Variants in NLE1 observed in about 807,000 individuals in gnomAD.
NLE1 encodes the protein notchless homolog 1.
In NLE1, 37 loss-of-function variants were observed where a neutral mutation model predicts 62.8. That is an observed-to-expected ratio of 0.59 (90% CI 0.45 to 0.78). NLE1 has a LOEUF of 0.78. NLE1 is among the 30% of genes least tolerant of loss of function. NLE1 has a pLI of 0.00. For missense variants in NLE1, 555 were observed against 637.9 expected, an observed-to-expected ratio of 0.87 and a Z score of 1.40; for synonymous variants, 243 against 253.0, an observed-to-expected ratio of 0.96 and a Z score of 0.37.
chr17:35,134,064 G>A (rs946001197), intron 10 of NLE1, among the ~76,000 whole-genome samples: 1 of 152,110 alleles, frequency 6.6e-6, no homozygotes, highest in African/African-American at 2.4e-5. Context: ...TCTCCCCCTT[G>A]CCTGTGCCTT....
At chr17:35,135,474 T>G in intron 9 of NLE1, 23 bp from the exon 10 acceptor site, 1 of 1,609,842 alleles carries the variant, frequency 6.2e-7, no homozygotes, top group Non-Finnish European at 8.5e-7. Flanking sequence ...GAAAGCACAC[T>G]GTGTTGGGTG....
Position 35,142,077 on chromosome 17 carries a change from G to A in NLE1, c.64C>T (p.Gln22Ter). The change falls in exon 2 of 13, where the codon CAG (glutamine) becomes TAG (stop). Residue 22 changes from glutamine to a stop codon, truncating the protein, a stop_gained. Coordinates refer to ENST00000442241, the MANE Select transcript of NLE1 (RefSeq NM_018096.5). LOFTEE classifies it high-confidence loss of function. ...RDVQRLLVQF[Q>*]DEGGQLLGSP... ...CCCAGCAGCTGCCCGCCCTCATCCT[G>A]GAACTGCACTAGCAACCGCTGCACA... is the stretch of plus-strand genomic sequence containing the variant. 6.2e-7 allele frequency: 1 copy of A among 1,612,722 alleles called. No individual in the cohort carries two copies. Among genetic ancestry groups the A allele is most frequent in the Non-Finnish European group, 8.5e-7 (1 of 1,179,920 alleles).
intron 10 of NLE1, 59 bp from the exon 11 acceptor site, chr17:35,133,557 G>C: frequency 6.7e-7 from 1 of 1,502,442 alleles, no homozygotes; most frequent in Non-Finnish European, 9.0e-7. Context: ...CAACACGTCT[G>C]AAGGGTCCCC....
In NLE1 at chr17:35,137,819, C is replaced by T. The variant is rs141608844; in HGVS notation, c.532G>A (p.Gly178Ser). 8.4e-5 allele frequency: 136 copies of T among 1,613,200 alleles called. No homozygotes were observed. In the East Asian group the frequency reaches 2.7e-3, roughly 32 times the overall value. Residue 178 changes from glycine (G) to serine (S), a missense_variant, in exon 5 of 13, where the codon GGC becomes AGC. Coordinates refer to ENST00000442241, the MANE Select transcript of NLE1 (RefSeq NM_018096.5). The part of the protein sequence containing the change: ...GRKLASGCKN[G>S]QILLWDPSTG... ...TTACCCTGAGAACTACCTACCTGGC[C>T]ATTCTTGCAGCCTGAGGCCAGCTTC...
intron 6 of NLE1, 102 bp from the exon 7 acceptor site, chr17:35,137,295 C>T: frequency 1.7e-6 from 2 of 1,175,258 alleles, no homozygotes; most frequent in Non-Finnish European, 2.4e-6. Context: ...AATCTTTTGA[C>T]AGCTTTTCTG....
At chr17:35,140,508 C>T (rs535488026) in intron 2 of NLE1, among the ~76,000 whole-genome samples, 5 of 152,280 alleles carry the variant, frequency 3.3e-5, no homozygotes, top group East Asian at 1.9e-4. Context: ...GGATTACAGG[C>T]GTGAGCCACT....
At position 35,142,095 on chromosome 17, in the gene NLE1, G is replaced by T. The variant is rs140314263; in HGVS notation, c.46C>A (p.Arg16=). 23 of 1,611,990 alleles carry T rather than the reference G, an allele frequency of 1.4e-5. No homozygotes were observed. Among genetic ancestry groups the T allele is most frequent in the Non-Finnish European group, 1.8e-5 (21 of 1,179,732 alleles). The change falls in exon 2 of 13, where the codon CGG becomes AGG. Residue 16 remains arginine (R), a synonymous_variant. Coordinates refer to ENST00000442241, the MANE Select transcript of NLE1 (RefSeq NM_018096.5). Reference sequence around the variant, plus strand: ...TCATCCTGGAACTGCACTAGCAACCGCTGCACATCGCGCGCCACCGCCTCG... The same window carrying T: ...TCATCCTGGAACTGCACTAGCAACCTCTGCACATCGCGCGCCACCGCCTCG... The part of the protein sequence containing the change: ...PDEAVARDVQ[R]LLVQFQDEGG...
In NLE1 at chr17:35,136,503, G is replaced by A. The variant is rs1310222823; in HGVS notation, c.829-6C>T. 1.2e-6 allele frequency: 2 copies of A among 1,608,620 alleles called. No individual in the cohort carries two copies. Among genetic ancestry groups the A allele is most frequent in the Non-Finnish European group, 1.7e-6 (2 of 1,175,930 alleles). ...AGAGTCCGGCACAGCACACCCTACG[G>A]GAGAGCGAGTCAGGTCAGACACACA... is the stretch of plus-strand genomic sequence containing the variant. On this transcript the variant is annotated splice_region_variant and splice_polypyrimidine_tract_variant and intron_variant, in intron 7 of 12. Transcript: ENST00000442241.
At chr17:35,141,081 C>A (rs1376194922) in intron 2 of NLE1, among the ~76,000 whole-genome samples, 1 of 152,152 alleles carries the variant, frequency 6.6e-6, no homozygotes, top group Non-Finnish European at 1.5e-5. Flanking sequence ...CCCAAACTAC[C>A]ACACTACACT....
chr17:35,130,565 C>T lies in NLE1; in HGVS notation c.*1872G>A. The T allele has an allele frequency of 1.0e-6, 1 of 977,348 alleles. No individual in the cohort carries two copies. Among genetic ancestry groups the T allele is most frequent in the Non-Finnish European group, 1.5e-6 (1 of 677,162 alleles). 60.5% of individuals were successfully genotyped at this position (977,348 alleles called of 1,614,324 possible). On this transcript the variant is annotated 3_prime_UTR_variant, in exon 13 of 13. Coordinates refer to ENST00000442241, the MANE Select transcript of NLE1 (RefSeq NM_018096.5). ...GGGTCTGGCAGAGTGGTATGGGCAC[C>T]CCACCCCTGGGCTGGGGCCAAGGCT... is the stretch of plus-strand genomic sequence containing the variant.
At position 35,129,515 on chromosome 17, in the gene NLE1, G is replaced by A. The variant is rs537703343; in HGVS notation, c.*2922C>T. ...CAAGACACAGGAGAATGAGTTGCCC[G>A]AGGCAAAGAATCGTCCATGGATCTT... On this transcript the variant is annotated 3_prime_UTR_variant, in exon 13 of 13. Transcript: ENST00000442241. 3.0e-5 allele frequency: 48 copies of A among 1,614,178 alleles called. No homozygotes were observed. Among genetic ancestry groups the A allele is most frequent in the Middle Eastern group, 1.6e-4 (1 of 6,062 alleles).
chr17:35,129,168 GACCCC>G lies in NLE1; in HGVS notation c.*3264_*3268del. On this transcript the variant is annotated 3_prime_UTR_variant, in exon 13 of 13. Coordinates refer to ENST00000442241, the MANE Select transcript of NLE1 (RefSeq NM_018096.5). ...ATCAGTTGGTGGCCCAAGGGTTGAG[GACCCC>G]TGGCGTATAAGAAATATGGAATGAG... 4.6e-6 allele frequency: 2 copies of G among 437,946 alleles called. No homozygotes were observed. Among genetic ancestry groups the G allele is most frequent in the Non-Finnish European group, 4.2e-6 (1 of 238,210 alleles). 27.1% of individuals were successfully genotyped at this position (437,946 alleles called of 1,614,324 possible). A position where few individuals can be genotyped will look rare whatever the true frequency, so the allele number is the denominator to read the frequency against.
chr17:35,135,979 C>T (rs560072495), intron 9 of NLE1, among the ~76,000 whole-genome samples, 190 bp downstream of exon 9: 2 of 152,194 alleles, frequency 1.3e-5, no homozygotes, highest in East Asian at 3.9e-4. Context: ...ATAAACTAAA[C>T]AAAAAACGAA....
Position 35,137,171 on chromosome 17 carries a change from C to T in NLE1, c.658G>A (p.Ala220Thr). ...LHANPECRYVASSSKDGSVRI... is the reference protein window; with the variant it reads ...LHANPECRYVTSSSKDGSVRI... ...ACACTGCCATCCTTGGAGCTGCTGG[C>T]CACATAGCGGCACTCAGGGTTCCTG... is the stretch of plus-strand genomic sequence containing the variant. Residue 220 changes from alanine (A) to threonine (T), a missense_variant, in exon 7 of 13, where the codon GCC becomes ACC. Physicochemically the swap from Ala to Thr is moderately conservative, Grantham distance 58 (BLOSUM62 0). Coordinates refer to ENST00000442241, the MANE Select transcript of NLE1 (RefSeq NM_018096.5). 6.2e-7 allele frequency: 1 copy of T among 1,609,806 alleles called. No individual in the cohort carries two copies. Among genetic ancestry groups the T allele is most frequent in the Non-Finnish European group, 8.5e-7 (1 of 1,176,676 alleles).
intron 7 of NLE1, 75 bp from the exon 8 acceptor site, chr17:35,136,572 G>T: frequency 1.3e-6 from 2 of 1,527,096 alleles, no homozygotes; most frequent in Non-Finnish European, 1.8e-6. Flanking sequence ...GAGACAGGTG[G>T]TACAAGACTA....
rs1024689505 is a variant in NLE1, at chr17:35,139,895, C to A, written c.334G>T (p.Gly112Cys). ...ACAGAAATGACTGCCTCACTGTGAC[C>A]CTCCAAGGAGCTGGTGCAGCGAGTC... ...AVTRCTSSLE[G>C]HSEAVISVAF... Residue 112 changes from glycine (G) to cysteine (C), a missense_variant, in exon 3 of 13, where the codon GGT becomes TGT. By Grantham distance (159) the Gly-to-Cys change is radical. Coordinates refer to ENST00000442241, the MANE Select transcript of NLE1 (RefSeq NM_018096.5). The A allele has an allele frequency of 2.9e-5, 46 of 1,613,814 alleles. No homozygotes were observed. Among genetic ancestry groups the A allele is most frequent in the Non-Finnish European group, 3.7e-5 (44 of 1,180,036 alleles).
chr17:35,141,912 T>C, intron 2 of NLE1, 67 bp downstream of exon 2: 1 of 1,494,240 alleles, frequency 6.7e-7, no homozygotes, highest in Non-Finnish European at 9.0e-7. Context: ...AGACCCTCGG[T>C]AATATGATTC....
Position 35,137,035 on chromosome 17 carries a change from T to A in NLE1, c.794A>T (p.Gln265Leu). ...TCTCCAGACTTTGATGGTGCGGTCC[T>A]GGGAGGCAGAGTAGAGAAGCCCGTC... ...GGDGLLYSASQDRTIKVWRAH... is the reference protein window; with the variant it reads ...GGDGLLYSASLDRTIKVWRAH... Residue 265 changes from glutamine to leucine, a missense_variant, in exon 7 of 13, where the codon CAG (glutamine) becomes CTG (leucine). By Grantham distance (113) the Gln-to-Leu change is moderately radical (BLOSUM62 -2). Coordinates refer to ENST00000442241, the MANE Select transcript of NLE1 (RefSeq NM_018096.5). 1 of 1,613,342 alleles carries A rather than the reference T, an allele frequency of 6.2e-7. No homozygotes were observed. The highest frequency in any genetic ancestry group is 8.5e-7 in the Non-Finnish European group (1 of 1,179,420).
At position 35,139,900 on chromosome 17, in the gene NLE1, A is replaced by G; in HGVS notation, c.329T>C (p.Leu110Ser). The change falls in exon 3 of 13, where the codon TTG becomes TCG. Residue 110 changes from leucine to serine, a missense_variant. By Grantham distance (145) the Leu-to-Ser change is moderately radical (BLOSUM62 -2). Transcript: ENST00000442241. Reference sequence around the variant, plus strand: ...AATGACTGCCTCACTGTGACCCTCCAAGGAGCTGGTGCAGCGAGTCACAGC... The same window carrying G: ...AATGACTGCCTCACTGTGACCCTCCGAGGAGCTGGTGCAGCGAGTCACAGC... ...VRAVTRCTSS[L>S]EGHSEAVISV... 1 of 1,614,046 alleles carries G rather than the reference A, an allele frequency of 6.2e-7. No individual in the cohort carries two copies.
Sources: gnomAD v4.1 joint callset for allele counts (sites outside exome capture counted in the v4.1 genomes callset) on GRCh38, gnomAD v4.1.1 for gene constraint, MANE v1.5 for transcripts, NCBI Gene and HGNC (gene_info 2026-07-23, HGNC 2026-07-21) for gene names.